The following TMEM120B variants were observed in gnomAD, a reference collection of about 807,000 sequenced individuals.
The protein encoded by TMEM120B is transmembrane protein 120B.
A neutral mutation model predicts 55.5 loss-of-function variants in TMEM120B; 31 were observed. That is an observed-to-expected ratio of 0.56 (90% CI 0.42 to 0.75). The LOEUF (loss-of-function observed/expected upper bound fraction) is 0.75, where lower values mean the gene tolerates loss of function less well. Among genes scored for constraint, TMEM120B ranks in the 30% least tolerant of loss-of-function variants. The pLI is 0.00. For missense variants in TMEM120B, 399 were observed against 425.5 expected, an observed-to-expected ratio of 0.94 and a Z score of 0.55; for synonymous variants, 203 against 176.3, an observed-to-expected ratio of 1.15 and a Z score of -1.20.
At chr12:121,763,193 T>C (rs1392821738) in intron 6 of TMEM120B, among the ~76,000 whole-genome samples, 2 of 145,472 alleles carry the variant, frequency 1.4e-5, no homozygotes, top group Admixed American at 1.4e-4. Context: ...GACGAAGTCT[T>C]GCTCTGTCGC....
chr12:121,773,706 C>T (rs946020944), intron 9 of TMEM120B, among the ~76,000 whole-genome samples, 193 bp downstream of exon 9: 5 of 152,046 alleles, frequency 3.3e-5, no homozygotes, highest in East Asian at 1.9e-4. Context: ...TACCAGGCCC[C>T]GAGGGCAGGG....
At chr12:121,729,341 C>T (rs745972413) in intron 1 of TMEM120B, among the ~76,000 whole-genome samples, 5 of 152,158 alleles carry the variant, frequency 3.3e-5, no homozygotes, top group Non-Finnish European at 7.3e-5. Context: ...CAAAGAGTAG[C>T]CAGGGACTCC....
At chr12:121,736,471 C>G (rs1566511288) in intron 1 of TMEM120B, among the ~76,000 whole-genome samples, 1 of 150,150 alleles carries the variant, frequency 6.7e-6, no homozygotes, top group African/African-American at 2.5e-5. Context: ...CCCGGCCGGT[C>G]TCGAACTCTT....
Position 121,775,526 on chromosome 12 carries a change from G to A in TMEM120B, c.907-83G>A, listed in dbSNP as rs903099084. ...GCAGTTTGGGAGTTTGGGGGCAGCTGTGCTGGAGATTCTGGGGTGCTGGGG... is the reference window on the plus strand; with the variant it reads ...GCAGTTTGGGAGTTTGGGGGCAGCTATGCTGGAGATTCTGGGGTGCTGGGG... On this transcript the variant is annotated intron_variant, in intron 11 of 11. Coordinates refer to ENST00000449592, the MANE Select transcript of TMEM120B (RefSeq NM_001080825.2). The surrounding 1 kb of genome is among the most constrained non-coding windows in gnomAD (Gnocchi z 4.3). 2.0e-6 allele frequency: 3 copies of A among 1,525,492 alleles called. No individual in the cohort carries two copies. Among genetic ancestry groups the A allele is most frequent in the Non-Finnish European group, 2.6e-6 (3 of 1,139,476 alleles). 94.5% of individuals were successfully genotyped at this position (1,525,492 alleles called of 1,614,324 possible).
intron 2 of TMEM120B, among the ~76,000 whole-genome samples, chr12:121,746,959 A>G (rs985938815): frequency 1.8e-4 from 23 of 125,618 alleles, no homozygotes; most frequent in Non-Finnish European, 3.6e-4. Context: ...CTCTGTCTCA[A>G]AAAAAAAAAG....
chr12:121,761,351 A>G (rs752506019), intron 5 of TMEM120B, among the ~76,000 whole-genome samples: 2 of 152,180 alleles, frequency 1.3e-5, no homozygotes, highest in African/African-American at 4.8e-5. Context: ...AGAGTTTAGA[A>G]GACAGACAGG....
chr12:121,736,180 T>C (rs977214314), intron 1 of TMEM120B, among the ~76,000 whole-genome samples: 7 of 151,506 alleles, frequency 4.6e-5, no homozygotes, highest in African/African-American at 1.7e-4. Context: ...TTTATTTATT[T>C]ATTTATTTTT....
At position 121,775,464 on chromosome 12, in the gene TMEM120B, A is replaced by G; in HGVS notation, c.907-145A>G. Reference sequence around the variant, plus strand: ...AAGCCTGAGGCCTCACCCTTCCCCCAGGTCTCCTGAATCTCTGCCTTCGAT... The same window carrying G: ...AAGCCTGAGGCCTCACCCTTCCCCCGGGTCTCCTGAATCTCTGCCTTCGAT... On this transcript the variant is annotated intron_variant, in intron 11 of 11. Coordinates refer to ENST00000449592, the MANE Select transcript of TMEM120B (RefSeq NM_001080825.2). The surrounding 1 kb of genome is among the most constrained non-coding windows in gnomAD (Gnocchi z 4.3). The G allele has an allele frequency of 2.1e-6, 3 of 1,441,852 alleles. No homozygotes were observed. The highest frequency in any genetic ancestry group is 2.7e-6 in the Non-Finnish European group (3 of 1,102,504). 89.3% of individuals were successfully genotyped at this position (1,441,852 alleles called of 1,614,324 possible). A position where few individuals can be genotyped will look rare whatever the true frequency, so the allele number is the denominator to read the frequency against.
At chr12:121,721,638 A>AT (rs1318478813) in intron 1 of TMEM120B, among the ~76,000 whole-genome samples, 1 of 150,364 alleles carries the variant, frequency 6.7e-6, no homozygotes, top group Non-Finnish European at 1.5e-5. Context: ...CGCCCAGCTA[A>AT]TTTTTGTATT....
chr12:121,781,309 A>G lies in TMEM120B; in HGVS notation c.*5587A>G, dbSNP rs1874449371. On this transcript the variant is annotated 3_prime_UTR_variant, in exon 12 of 12. Transcript: ENST00000449592. ...CCTTAGGGCCTCAATTTCCTCATCT[A>G]TACAATGGGCAGCAAGCCAGGAGTG... 5 of 846,606 alleles carry G rather than the reference A, an allele frequency of 5.9e-6. 1 individual carries two copies. Among genetic ancestry groups the G allele is most frequent in the South Asian group, 5.0e-5 (3 of 60,066 alleles). 52.4% of individuals were successfully genotyped at this position (846,606 alleles called of 1,614,324 possible).
intron 1 of TMEM120B, among the ~76,000 whole-genome samples, chr12:121,738,885 C>T (rs1872834122): frequency 6.6e-6 from 1 of 152,084 alleles, no homozygotes; most frequent in Non-Finnish European, 1.5e-5. Flanking sequence ...CTGGACCGAA[C>T]TCTTTAAAAA....
At chr12:121,739,428 A>T (rs1872854621) in intron 1 of TMEM120B, among the ~76,000 whole-genome samples, 1 of 152,088 alleles carries the variant, frequency 6.6e-6, no homozygotes, top group Admixed American at 6.6e-5. Context: ...TTGACCCTTG[A>T]ACAAGGTGGG....
chr12:121,728,420 T>G (rs1894937522), intron 1 of TMEM120B, among the ~76,000 whole-genome samples: 1 of 149,464 alleles, frequency 6.7e-6, no homozygotes, highest in East Asian at 2.0e-4. Context: ...ACTTGGGAGA[T>G]GGAGCTTGCA....
chr12:121,760,218 G>A (rs1368225113), intron 5 of TMEM120B, among the ~76,000 whole-genome samples: 6 of 151,656 alleles, frequency 4.0e-5, no homozygotes, highest in African/African-American at 1.5e-4. Flanking sequence ...CAGGAGAATC[G>A]GTTGAACCCG....
rs780912961 is a variant in TMEM120B, at chr12:121,780,943, C to T, written c.*5221C>T. The T allele has an allele frequency of 6.2e-7, 1 of 1,614,092 alleles. No individual in the cohort carries two copies. Among genetic ancestry groups the T allele is most frequent in the Non-Finnish European group, 8.5e-7 (1 of 1,179,994 alleles). ...AGCTGCTCCTTGTCCTTCCTCAGGT[C>T]TGTCTTGCAGCCGATGAGCACCATG... On this transcript the variant is annotated 3_prime_UTR_variant, in exon 12 of 12. Coordinates refer to ENST00000449592, the MANE Select transcript of TMEM120B (RefSeq NM_001080825.2).
At chr12:121,770,401 G>A (rs117082311) in intron 6 of TMEM120B, among the ~76,000 whole-genome samples, 2,809 of 152,204 alleles carry the variant, frequency 0.018, 29 homozygotes, top group Middle Eastern at 0.034. Flanking sequence ...ATACAGTCAC[G>A]GACGTTCTAA....
intron 2 of TMEM120B, among the ~76,000 whole-genome samples, chr12:121,745,216 C>T (rs1050915045): frequency 4.6e-5 from 7 of 152,066 alleles, no homozygotes; most frequent in African/African-American, 1.7e-4. Context: ...ACCAAGGACC[C>T]CTGTCATTCT....
Position 121,781,472 on chromosome 12 carries a change from TAAC to T in TMEM120B, c.*5756_*5758del, listed in dbSNP as rs1330019181. On this transcript the variant is annotated 3_prime_UTR_variant, in exon 12 of 12. Coordinates refer to ENST00000449592, the MANE Select transcript of TMEM120B (RefSeq NM_001080825.2). ...GGTGACAGAGCGAGACCCTGTCTCTTAACAACAAAACCCATGAGCGGCAGCCCC... is the reference window on the plus strand; with the variant it reads ...GGTGACAGAGCGAGACCCTGTCTCTTAACAAAACCCATGAGCGGCAGCCCC... The T allele has an allele frequency of 7.9e-6, 3 of 380,850 alleles. No homozygotes were observed. The highest frequency in any genetic ancestry group is 5.8e-5 in the East Asian group (1 of 17,342). 23.6% of individuals were successfully genotyped at this position (380,850 alleles called of 1,614,324 possible).
rs780366965 is a variant in TMEM120B, at chr12:121,778,523, A to G, written c.*2801A>G. ...CCCAAAGGAGGCTCAGGGATTAGGT[A>G]TCTGGCTGTTGGTGACACAGGTGGT... On this transcript the variant is annotated 3_prime_UTR_variant, in exon 12 of 12. Transcript: ENST00000449592. The G allele has an allele frequency of 2.6e-5, 4 of 151,804 alleles. No homozygotes were observed. Among genetic ancestry groups the G allele is most frequent in the Non-Finnish European group, 1.5e-5 (1 of 68,068 alleles). The allele number at this position is 151,804 out of a possible 1,614,324, so 9.4% of individuals were successfully genotyped here.
Sources: gnomAD v4.1 joint callset for allele counts (sites outside exome capture counted in the v4.1 genomes callset) on GRCh38, gnomAD v4.1.1 for gene constraint, Gnocchi (gnomAD v3.1) non-coding constraint, MANE v1.5 for transcripts, NCBI Gene and HGNC (gene_info 2026-07-23, HGNC 2026-07-21) for gene names.